The following KIF26B variants were observed in gnomAD, a reference collection of about 807,000 sequenced individuals.
KIF26B encodes kinesin-like protein KIF26B.
In KIF26B, 63 loss-of-function variants were observed where a neutral mutation model predicts 151.2. The ratio of observed to expected loss-of-function variants is 0.42; its 90% CI spans 0.34 to 0.51. The LOEUF is 0.51. Among genes scored for constraint, KIF26B ranks in the 20% least tolerant of loss-of-function variants. The probability of loss-of-function intolerance (pLI) is 0.07; values close to 1 mark genes in which losing one functional copy is unlikely to be tolerated. For missense variants in KIF26B, 2,813 were observed against 2,913.6 expected (o/e 0.97, Z 0.79); for synonymous variants, 1,357 against 1,262.1 (o/e 1.08, Z -1.59).
intron 5 of KIF26B, among the ~76,000 whole-genome samples, chr1:245,593,860 C>A (rs147029480): frequency 6.6e-6 from 1 of 152,108 alleles, no homozygotes; most frequent in African/African-American, 2.4e-5. Flanking sequence ...TAATGATCGC[C>A]ATTCTAACTG....
In KIF26B at chr1:245,582,853, CCATCTG is replaced by C. The variant is rs531966467; in HGVS notation, c.1351-19721_1351-19716del. On this transcript the variant is annotated intron_variant, in intron 5 of 14. Coordinates refer to ENST00000407071, the MANE Select transcript of KIF26B (RefSeq NM_018012.4). ...TGCCACAGAGCAAGGCAGAGGTGAG[CCATCTG>C]CAGATGCGTGCTGAATTTAAACCAA... Among the ~76,000 whole-genome samples the C allele has an allele frequency of 3.3e-5, 5 of 152,272 alleles. No individual in the cohort carries two copies. The East Asian group carries it at 9.7e-4, about 29-fold the overall frequency.
intron 3 of KIF26B, among the ~76,000 whole-genome samples, chr1:245,389,305 G>T (rs1339129876): frequency 6.6e-6 from 1 of 151,910 alleles, no homozygotes; most frequent in East Asian, 1.9e-4. Flanking sequence ...TAGAGACAGG[G>T]TTTCACCACA....
At chr1:245,412,040 A>G (rs984579508) in intron 3 of KIF26B, among the ~76,000 whole-genome samples, 35 of 152,218 alleles carry the variant, frequency 2.3e-4, no homozygotes, top group Non-Finnish European at 2.9e-5. Flanking sequence ...TTTATAGAAT[A>G]CACAGAAATG....
chr1:245,390,957 C>CAAA (rs1673684953), intron 3 of KIF26B, among the ~76,000 whole-genome samples: 1 of 86,124 alleles, frequency 1.2e-5, no homozygotes, highest in Non-Finnish European at 2.1e-5. Flanking sequence ...AAAAAACCAC[C>CAAA]ATAAAATTTT....
At chr1:245,439,346 CAA>C (rs777808376) in intron 4 of KIF26B, among the ~76,000 whole-genome samples, 119 of 131,724 alleles carry the variant, frequency 9.0e-4, no homozygotes, top group African/African-American at 2.7e-3. Flanking sequence ...GACCCTGTCT[CAA>C]AAAAAAAAAA....
At chr1:245,650,337 T>C (rs186166231) in intron 10 of KIF26B, among the ~76,000 whole-genome samples, 2 of 152,308 alleles carry the variant, frequency 1.3e-5, no homozygotes, top group Admixed American at 6.5e-5. Context: ...TAAGAAAAAA[T>C]AGGCAGAAGC....
chr1:245,654,644 A>G (rs1408255736), intron 10 of KIF26B, among the ~76,000 whole-genome samples: 1 of 151,944 alleles, frequency 6.6e-6, no homozygotes, highest in Admixed American at 6.6e-5. Context: ...TGGCTCCAGG[A>G]CCCCCACGAA....
At chr1:245,325,442 G>A (rs758029673) in intron 2 of KIF26B, among the ~76,000 whole-genome samples, 26 of 152,292 alleles carry the variant, frequency 1.7e-4, no homozygotes, top group African/African-American at 5.1e-4. Context: ...AGCTGGGCGC[G>A]GTGGCTCACG....
intron 2 of KIF26B, among the ~76,000 whole-genome samples, chr1:245,285,283 A>G (rs1355605257): frequency 6.6e-6 from 1 of 152,190 alleles, no homozygotes; most frequent in Non-Finnish European, 1.5e-5. Context: ...GAAACATGCA[A>G]TGCCTCCTAA....
chr1:245,627,603 A>C (rs1045002136), intron 9 of KIF26B, among the ~76,000 whole-genome samples: 1 of 152,134 alleles, frequency 6.6e-6, no homozygotes, highest in Non-Finnish European at 1.5e-5. Flanking sequence ...ACAAATCCAA[A>C]AGCTAGCAGA....
At chr1:245,322,728 G>A (rs1372551880) in intron 2 of KIF26B, among the ~76,000 whole-genome samples, 2 of 152,164 alleles carry the variant, frequency 1.3e-5, no homozygotes, top group Non-Finnish European at 2.9e-5. Context: ...ACAAAGAGAC[G>A]AAGGATCATG....
intron 2 of KIF26B, among the ~76,000 whole-genome samples, chr1:245,195,717 G>A (rs932215592): frequency 3.9e-5 from 6 of 152,170 alleles, no homozygotes; most frequent in South Asian, 2.1e-4. Flanking sequence ...GCCAAACACC[G>A]AAAGAGCTAT....
At chr1:245,401,950 A>T (rs544925416) in intron 3 of KIF26B, among the ~76,000 whole-genome samples, 1 of 151,822 alleles carries the variant, frequency 6.6e-6, no homozygotes, top group Non-Finnish European at 1.5e-5. Context: ...CAACAACAAC[A>T]AAAAAAACAC....
rs770178209 is a variant in KIF26B, at chr1:245,611,841, T to C, written c.1963T>C (p.Phe655Leu). 1 of 1,613,726 alleles carries C rather than the reference T, an allele frequency of 6.2e-7. No homozygotes were observed. The highest frequency in any genetic ancestry group is 1.1e-5 in the South Asian group (1 of 91,040). Residue 655 changes from phenylalanine (F) to leucine (L), a missense_variant, in exon 9 of 15, where the codon TTT (phenylalanine) becomes CTT (leucine). Physicochemically the swap from Phe to Leu is conservative, Grantham distance 22 (BLOSUM62 0). Coordinates refer to ENST00000407071, the MANE Select transcript of KIF26B (RefSeq NM_018012.4). ...LRAPTAEKAA[F>L]FLDAAIASRR... Reference sequence around the variant, plus strand: ...GGCCCCCACCGCAGAGAAGGCTGCCTTTTTCCTGGATGCCGCCATTGCCTC... The same window carrying C: ...GGCCCCCACCGCAGAGAAGGCTGCCCTTTTCCTGGATGCCGCCATTGCCTC...
At chr1:245,585,372 T>G (rs1043039623) in intron 5 of KIF26B, among the ~76,000 whole-genome samples, 3 of 152,116 alleles carry the variant, frequency 2.0e-5, no homozygotes, top group African/African-American at 7.2e-5. Flanking sequence ...GTTTACAAAG[T>G]AAAGAGTCTG....
At position 245,166,048 on chromosome 1, in the gene KIF26B, G is replaced by A. The variant is rs189998645; in HGVS notation, c.465+9365G>A. Among the ~76,000 whole-genome samples, 7 of 152,240 alleles carry A rather than the reference G, an allele frequency of 4.6e-5. No individual in the cohort carries two copies. Among genetic ancestry groups the A allele is most frequent in the South Asian group, 2.1e-4 (1 of 4,812 alleles). On this transcript the variant is annotated intron_variant, in intron 2 of 14. Coordinates refer to ENST00000407071, the MANE Select transcript of KIF26B (RefSeq NM_018012.4). This position sits in a 1 kb window ranked among gnomAD's most constrained non-coding sequence, Gnocchi z 4.5. The stretch of plus-strand genomic sequence containing the variant: ...AGACTTGCGTGCAAAACCAGGCTCC[G>A]TCACTTAGGGTGTGACCTTGGGCAA...
intron 10 of KIF26B, among the ~76,000 whole-genome samples, chr1:245,680,465 G>C (rs959948019): frequency 2.0e-5 from 3 of 152,192 alleles, no homozygotes; most frequent in Non-Finnish European, 4.4e-5. Flanking sequence ...GATTGAGTCA[G>C]GTGTGGGGAG....
chr1:245,467,547 G>C (rs1659821905), intron 4 of KIF26B, among the ~76,000 whole-genome samples: 1 of 152,136 alleles, frequency 6.6e-6, no homozygotes, highest in Non-Finnish European at 1.5e-5. Flanking sequence ...GAAATCTCTG[G>C]ATCTGAATTC....
At chr1:245,288,442 C>G (rs2102971891) in intron 2 of KIF26B, among the ~76,000 whole-genome samples, 1 of 152,292 alleles carries the variant, frequency 6.6e-6, no homozygotes, top group South Asian at 2.1e-4. Context: ...ATACTTCCAA[C>G]CAGAAATGAT....
Sources: allele counts gnomAD v4.1 joint callset (sites outside exome capture counted in the v4.1 genomes callset), GRCh38; gene constraint gnomAD v4.1.1; non-coding constraint Gnocchi (gnomAD v3.1); transcripts MANE v1.5; gene names NCBI Gene and HGNC (gene_info 2026-07-23, HGNC 2026-07-21).